Variants in GLRA2 observed in about 807,000 individuals in gnomAD.
GLRA2 encodes glycine receptor subunit alpha-2.
GLRA2 carries 11 observed loss-of-function variants against 31.6 expected under a neutral mutation model. The ratio of observed to expected loss-of-function variants is 0.35; its 90% CI spans 0.22 to 0.58. GLRA2 has a LOEUF of 0.58. Among genes scored for constraint, GLRA2 ranks in the 20% least tolerant of loss-of-function variants. GLRA2 has a pLI of 0.84. For synonymous variants in GLRA2, 132 were observed against 134.0 expected (o/e 0.99, Z 0.10); for missense variants, 212 against 351.8 (o/e 0.60, Z 3.18).
Position 14,581,235 on chromosome X carries a change from C to T in GLRA2, c.323C>T (p.Ala108Val), listed in dbSNP as rs753510143. 1.7e-6 allele frequency: 2 copies of T among 1,188,491 alleles called. No individual in the cohort carries two copies. Among genetic ancestry groups the T allele is most frequent in the South Asian group, 1.8e-5 (1 of 56,280 alleles). ...LRQQWNDSRL[A>V]YSEYPDDSLD... ...CAACAGTGGAATGATTCACGGCTGG[C>T]GTACAGTGAGTACCCAGATGACTCC... The change falls in exon 4 of 9, where the codon GCG becomes GTG. Residue 108 changes from alanine (A) to valine (V), a missense_variant. Around this residue, in one of 5 missense-constraint regions of GLRA2, gnomAD observed 110 missense variants for 232.6 expected, o/e 0.47. Transcript: ENST00000218075.
At chrX:14,486,364 C>T in the GLRA2 span, among the ~76,000 whole-genome samples, 1 of 111,260 alleles carries the variant, frequency 9.0e-6, no homozygotes, top group African/African-American at 3.3e-5. Flanking sequence ...ATGACAGATA[C>T]ACAAATGAAG....
the GLRA2 span, among the ~76,000 whole-genome samples, chrX:14,470,371 T>C: frequency 1.3e-4 from 14 of 111,743 alleles, no homozygotes; most frequent in Non-Finnish European, 2.6e-4. Flanking sequence ...GACAGTGACA[T>C]CCAATTTATT....
chrX:14,684,723 C>A (rs1005364956), intron 7 of GLRA2, among the ~76,000 whole-genome samples: 136 of 111,389 alleles, frequency 1.2e-3, no homozygotes, highest in African/African-American at 2.3e-3. Context: ...TGGCTGAGAC[C>A]ATGGGGTTTT....
At chrX:14,483,204 T>C in the GLRA2 span, among the ~76,000 whole-genome samples, 1 of 111,851 alleles carries the variant, frequency 8.9e-6, no homozygotes, top group Non-Finnish European at 1.9e-5. Flanking sequence ...GGCTAGGGCA[T>C]AAAATAGAAA....
intron 8 of GLRA2, among the ~76,000 whole-genome samples, chrX:14,708,827 T>C (rs1362856007): frequency 9.0e-6 from 1 of 110,532 alleles, no homozygotes; most frequent in African/African-American, 3.3e-5. Flanking sequence ...TCCCAGCTAC[T>C]CGGGAAGCTG....
At chrX:14,720,997 A>G (rs1283349569) in intron 8 of GLRA2, among the ~76,000 whole-genome samples, 3 of 109,145 alleles carry the variant, frequency 2.7e-5, no homozygotes, top group Non-Finnish European at 5.7e-5. Context: ...ATGGTGGCAC[A>G]TGACCCGTCC....
In GLRA2 at chrX:14,659,356, C is replaced by CT. The variant is rs987194288; in HGVS notation, c.931-31353dup. On this transcript the variant is annotated intron_variant, in intron 7 of 8. Transcript: ENST00000218075. ...AGAAACAGGCCAATTCACCAAAAATCTATTTGTAGATTATTTATGACATTT... is the reference window on the plus strand; with the variant it reads ...AGAAACAGGCCAATTCACCAAAAATCTTATTTGTAGATTATTTATGACATTT... Among the ~76,000 whole-genome samples the CT allele has an allele frequency of 5.4e-5, 6 of 112,018 alleles. No homozygotes were observed. The Admixed American group carries it at 5.7e-4, about 11-fold the overall frequency.
the GLRA2 span, among the ~76,000 whole-genome samples, chrX:14,502,371 ACCAATACAGAAT>A: frequency 9.8e-5 from 11 of 112,322 alleles, no homozygotes; most frequent in Non-Finnish European, 1.9e-4. Flanking sequence ...ACATTCCAGC[ACCAATACAGAAT>A]CCAATACAAA....
chrX:14,579,549 C>G (rs931125360), intron 3 of GLRA2, among the ~76,000 whole-genome samples: 1 of 111,295 alleles, frequency 9.0e-6, no homozygotes, highest in African/African-American at 3.3e-5. Flanking sequence ...AGGCTGGTCT[C>G]GAACACCTGA....
chrX:14,625,023 T>C (rs944557274), intron 7 of GLRA2, among the ~76,000 whole-genome samples: 1 of 111,962 alleles, frequency 8.9e-6, no homozygotes, highest in Non-Finnish European at 1.9e-5. Flanking sequence ...GCTTTATGAA[T>C]CTTTGTGCTC....
the GLRA2 span, among the ~76,000 whole-genome samples, chrX:14,501,922 C>T: frequency 3.6e-5 from 4 of 111,161 alleles, no homozygotes; most frequent in Non-Finnish European, 7.6e-5. Flanking sequence ...TGCAGATGAC[C>T]GTCTTCCTCC....
chrX:14,680,448 T>G (rs1038763379), intron 7 of GLRA2, among the ~76,000 whole-genome samples: 2 of 112,083 alleles, frequency 1.8e-5, no homozygotes, highest in Non-Finnish European at 3.8e-5. Flanking sequence ...TAAAACTATC[T>G]TGCAAGTTTG....
chrX:14,460,937 T>C, the GLRA2 span, among the ~76,000 whole-genome samples: 2 of 111,580 alleles, frequency 1.8e-5, no homozygotes, highest in African/African-American at 6.5e-5. Context: ...TCTAGTTCTT[T>C]TAATTGTGAT....
the GLRA2 span, among the ~76,000 whole-genome samples, chrX:14,505,268 G>A: frequency 7.1e-5 from 8 of 111,915 alleles, no homozygotes; most frequent in African/African-American, 9.7e-5. Context: ...TAGAATTTCC[G>A]AAACAAATAC....
chrX:14,616,342 G>A (rs1451955166), intron 7 of GLRA2, among the ~76,000 whole-genome samples: 1 of 111,448 alleles, frequency 9.0e-6, no homozygotes, highest in Non-Finnish European at 1.9e-5. Flanking sequence ...GTGTGCAGAC[G>A]ACTCTGACAG....
chrX:14,675,565 T>C (rs2091136784), intron 7 of GLRA2, among the ~76,000 whole-genome samples: 1 of 111,417 alleles, frequency 9.0e-6, no homozygotes, highest in South Asian at 3.8e-4. Flanking sequence ...AACTCTTTAC[T>C]CAACTACTCA....
chrX:14,614,229 A>G (rs943342926), intron 7 of GLRA2, among the ~76,000 whole-genome samples: 2 of 111,341 alleles, frequency 1.8e-5, no homozygotes, highest in African/African-American at 3.3e-5. Context: ...GGAAAGTCTC[A>G]TGTGACCGAA....
chrX:14,507,776 C>T, the GLRA2 span, among the ~76,000 whole-genome samples: 3 of 97,598 alleles, frequency 3.1e-5, no homozygotes, highest in African/African-American at 1.2e-4. Flanking sequence ...TCACTGCAAC[C>T]TCCGCCTCCT....
At chrX:14,706,385 AAAAC>A (rs1250613008) in intron 8 of GLRA2, among the ~76,000 whole-genome samples, 7 of 112,499 alleles carry the variant, frequency 6.2e-5, no homozygotes, top group African/African-American at 1.9e-4. Context: ...TGCACAGTCT[AAAAC>A]AAGGCATACT....
Sources: allele counts gnomAD v4.1 joint callset (sites outside exome capture counted in the v4.1 genomes callset), GRCh38; gene constraint gnomAD v4.1.1; regional missense constraint gnomAD v4.1.1; transcripts MANE v1.5; gene names NCBI Gene and HGNC (gene_info 2026-07-23, HGNC 2026-07-21).